Variants in TIMELESS observed in about 807,000 individuals in gnomAD.
The protein encoded by TIMELESS is protein timeless homolog.
In TIMELESS, 124 loss-of-function variants were observed where a neutral mutation model predicts 164.3. The ratio of observed to expected loss-of-function variants is 0.75; its 90% confidence interval spans 0.65 to 0.88. The LOEUF (loss-of-function observed/expected upper bound fraction) is 0.88. TIMELESS is among the 40% of genes least tolerant of loss of function. TIMELESS has a pLI of 0.00. For synonymous variants in TIMELESS, 564 were observed against 563.4 expected (o/e 1.00, Z -0.02); for missense variants, 1,422 against 1,491.4 (o/e 0.95, Z 0.77).
chr12:56,424,032 A>G lies in TIMELESS; in HGVS notation c.1869-138T>C, dbSNP rs552639524. ...TGCAAACTGTTACCTCAAATGAAAC[A>G]AAGACTCCAGGGAAAATTTTCCTCA... On this transcript the variant is annotated intron_variant, in intron 15 of 28. Coordinates refer to ENST00000553532, the MANE Select transcript of TIMELESS (RefSeq NM_003920.5). The G allele has an allele frequency of 5.2e-6, 4 of 765,000 alleles. No homozygotes were observed. The Admixed American group carries it at 8.7e-5, about 17-fold the overall frequency. 47.4% of individuals were successfully genotyped at this position (765,000 alleles called of 1,614,324 possible).
intron 10 of TIMELESS, 125 bp from the exon 11 acceptor site, chr12:56,429,225 G>A (rs1410510449): frequency 2.5e-6 from 2 of 805,690 alleles, no homozygotes; most frequent in South Asian, 1.9e-5. Context: ...TTGAGGCGGA[G>A]TCTCACTCTA....
At chr12:56,441,855 G>A (rs1474032532) in intron 1 of TIMELESS, among the ~76,000 whole-genome samples, 1 of 152,184 alleles carries the variant, frequency 6.6e-6, no homozygotes, top group East Asian at 1.9e-4. Flanking sequence ...AAGCCAAGGC[G>A]GGTGGATCAC....
chr12:56,423,104 C>T, intron 18 of TIMELESS, 112 bp from the exon 19 acceptor site: 1 of 1,424,478 alleles, frequency 7.0e-7, no homozygotes, highest in Non-Finnish European at 9.5e-7. Context: ...CTCACTCACT[C>T]TCTTCTGTCC....
At chr12:56,428,728 C>A (rs111405393) in intron 11 of TIMELESS, 76 bp from the exon 12 acceptor site, 65 of 1,442,900 alleles carry the variant, frequency 4.5e-5, no homozygotes, top group Admixed American at 3.3e-4. Flanking sequence ...CTTCCCACAG[C>A]GAAAAAAAAA....
rs547894207 is a variant in TIMELESS at position 56,441,447 on chromosome 12, C to T, written c.-61-7216G>A. On this transcript the variant is annotated intron_variant, in intron 1 of 28. Transcript: ENST00000553532. ...GACCAGCCTGGGCAACATAGCGAAG[C>T]CCAGTCTCCACAAAAAATAAAACAC... Among the ~76,000 whole-genome samples, 4 of 152,090 alleles carry T rather than the reference C, an allele frequency of 2.6e-5. No individual in the cohort carries two copies. In the South Asian group the frequency reaches 8.3e-4, roughly 32 times the overall value.
Position 56,428,553 on chromosome 12 carries a change from G to A in TIMELESS, c.1404C>T (p.Ile468=), listed in dbSNP as rs760163049. The A allele has an allele frequency of 1.2e-6, 2 of 1,613,884 alleles. No homozygotes were observed. Among genetic ancestry groups the A allele is most frequent in the South Asian group, 2.2e-5 (2 of 91,078 alleles). Residue 468 remains isoleucine, a synonymous_variant, in exon 12 of 29, where the codon ATC becomes ATT. Transcript: ENST00000553532. The part of the protein sequence containing the change: ...DEAVRESSRI[I]KNNIFYVMEY... ...GGGACCAGGCCAGGGCCTCACTCTTGATGATGCGGCTGCTCTCCCTCACAG... is the reference window on the plus strand; with the variant it reads ...GGGACCAGGCCAGGGCCTCACTCTTAATGATGCGGCTGCTCTCCCTCACAG...
At chr12:56,436,188 T>C (rs1037547509) in intron 1 of TIMELESS, among the ~76,000 whole-genome samples, 11 of 152,108 alleles carry the variant, frequency 7.2e-5, no homozygotes, top group Admixed American at 7.2e-4. Flanking sequence ...GCGTAGTAAC[T>C]CATGCCTGTT....
Position 56,433,859 on chromosome 12 carries a change from C to T in TIMELESS, c.165G>A (p.Leu55=), listed in dbSNP as rs576745258. The change falls in exon 3 of 29, where the codon CTG becomes CTA. Residue 55 remains leucine, a synonymous_variant. Coordinates refer to ENST00000553532, the MANE Select transcript of TIMELESS (RefSeq NM_003920.5). ...EDETRDVRQQ[L]GAAQILQSDL... ...CGCTCTGTAGGATCTGGGCTGCCCC[C>T]AGCTGCTGCCGCACATCTCGTGTCT... The T allele has an allele frequency of 1.9e-6, 3 of 1,614,160 alleles. No individual in the cohort carries two copies. Among genetic ancestry groups the T allele is most frequent in the Non-Finnish European group, 2.5e-6 (3 of 1,180,030 alleles).
intron 20 of TIMELESS, 36 bp from the exon 21 acceptor site, chr12:56,422,052 C>G (rs1229691298): frequency 6.2e-7 from 1 of 1,613,764 alleles, no homozygotes; most frequent in Non-Finnish European, 8.5e-7. Flanking sequence ...TAAAGAAGGT[C>G]CCACAGCTCA....
chr12:56,430,661 C>T (rs1162847522), intron 9 of TIMELESS, among the ~76,000 whole-genome samples: 2 of 152,030 alleles, frequency 1.3e-5, no homozygotes, highest in Non-Finnish European at 2.9e-5. Flanking sequence ...GCCATTGTAC[C>T]CAACCTTTAA....
intron 1 of TIMELESS, among the ~76,000 whole-genome samples, chr12:56,443,454 T>C (rs1219439148): frequency 6.6e-6 from 1 of 152,172 alleles, no homozygotes; most frequent in Admixed American, 6.5e-5. Flanking sequence ...TCTCAAACCC[T>C]GTTTCCTGTT....
intron 26 of TIMELESS, among the ~76,000 whole-genome samples, chr12:56,420,066 G>GTA: frequency 1.1e-5 from 1 of 90,190 alleles, no homozygotes; most frequent in East Asian, 2.4e-4. Context: ...GTGTGTGTGT[G>GTA]TGTGTATATA....
intron 1 of TIMELESS, among the ~76,000 whole-genome samples, chr12:56,445,832 A>G (rs1441374221): frequency 6.6e-6 from 1 of 152,034 alleles, no homozygotes; most frequent in Admixed American, 6.6e-5. Context: ...CCCAATTGCT[A>G]CTGCCTTAGT....
At chr12:56,420,048 A>ATATATATATATATATG (rs1473074484) in intron 26 of TIMELESS, among the ~76,000 whole-genome samples, 34 of 87,324 alleles carry the variant, frequency 3.9e-4, no homozygotes, top group South Asian at 2.9e-3. Flanking sequence ...ATATATATAT[A>ATATATATATATATATG]TGTGTGTGTG....
chr12:56,443,420 A>G (rs1868304021), intron 1 of TIMELESS, among the ~76,000 whole-genome samples: 1 of 152,172 alleles, frequency 6.6e-6, no homozygotes, highest in South Asian at 2.1e-4. Context: ...AGCCTGGTGA[A>G]TTCTAGTCAG....
At position 56,428,294 on chromosome 12, in the gene TIMELESS, T is replaced by G. The variant is rs1592248390; in HGVS notation, c.1520A>C (p.His507Pro). 1 of 1,612,928 alleles carries G rather than the reference T, an allele frequency of 6.2e-7. No homozygotes were observed. Among genetic ancestry groups the G allele is most frequent in the Non-Finnish European group, 8.5e-7 (1 of 1,179,248 alleles). Residue 507 changes from histidine to proline, a missense_variant, in exon 13 of 29, where the codon CAC becomes CCC. Transcript: ENST00000553532. ...SFLRDLVETT[H>P]LFLKMLERFC... ...TCGCTCCAACATTTTGAGGAAGAGG[T>G]GGGTGGTCTCCACCAGGTCACGAAG...
Position 56,432,364 on chromosome 12 carries a change from C to A in TIMELESS, c.687+5G>T. The A allele has an allele frequency of 6.2e-7, 1 of 1,612,198 alleles. No individual in the cohort carries two copies. Among genetic ancestry groups the A allele is most frequent in the South Asian group, 1.1e-5 (1 of 91,024 alleles). On this transcript the variant is annotated splice_donor_5th_base_variant and intron_variant, in intron 7 of 28. Transcript: ENST00000553532. ...GGGGACTCGGGCAATAGGCCAGGGT[C>A]TCACCTGGTCACGAAACATAAGGGA...
At chr12:56,426,633 C>T (rs11831233) in intron 13 of TIMELESS, among the ~76,000 whole-genome samples, 6,703 of 151,882 alleles carry the variant, frequency 0.044, 505 homozygotes, top group African/African-American at 0.15. Flanking sequence ...GATCTTGGCT[C>T]ACTGCAACCT....
chr12:56,425,905 A>G (rs1396139751), intron 13 of TIMELESS, among the ~76,000 whole-genome samples: 1 of 151,950 alleles, frequency 6.6e-6, no homozygotes, highest in African/African-American at 2.4e-5. Flanking sequence ...AATAATTAAA[A>G]AAAAGAAAAG....
Sources: gnomAD v4.1 joint callset for allele counts (sites outside exome capture counted in the v4.1 genomes callset) on GRCh38, gnomAD v4.1.1 for gene constraint, MANE v1.5 for transcripts, NCBI Gene and HGNC (gene_info 2026-07-23, HGNC 2026-07-21) for gene names.